The following STYXL1 variants were observed in gnomAD, a reference collection of about 807,000 sequenced individuals.
The protein encoded by STYXL1 is serine/threonine/tyrosine-interacting-like protein 1.
In STYXL1, 32 loss-of-function variants were observed where a neutral mutation model predicts 36.4. The observed-to-expected ratio is 0.88, with a 90% CI of 0.66 to 1.18. The LOEUF is 1.18. Ranked by LOEUF, STYXL1 falls within the 50% of genes most tolerant of loss-of-function variation. STYXL1 has a pLI of 0.00. For missense variants in STYXL1, 354 were observed against 394.1 expected (o/e 0.90, Z 0.86); for synonymous variants, 133 against 144.1 (o/e 0.92, Z 0.55).
chr7:76,003,622 C>T, intron 7 of STYXL1, 136 bp downstream of exon 7: 1 of 737,708 alleles, frequency 1.4e-6, no homozygotes, highest in Non-Finnish European at 2.2e-6. Flanking sequence ...CCAGATGGAG[C>T]ATATGCCGAG....
At chr7:76,030,235 G>GT (rs1279836869) in intron 2 of STYXL1, among the ~76,000 whole-genome samples, 186 bp downstream of exon 2, 7 of 152,174 alleles carry the variant, frequency 4.6e-5, no homozygotes, top group African/African-American at 1.7e-4. Context: ...CTGGCTTCAA[G>GT]TGATTCGCCC....
intron 1 of STYXL1, among the ~76,000 whole-genome samples, chr7:76,043,028 G>A (rs1167630230): frequency 6.6e-6 from 1 of 152,304 alleles, no homozygotes; most frequent in East Asian, 1.9e-4. Context: ...GAAATGGCCT[G>A]CACCCCCAGA....
chr7:76,027,546 C>T (rs376373786), intron 3 of STYXL1, among the ~76,000 whole-genome samples: 1 of 151,526 alleles, frequency 6.6e-6, no homozygotes, highest in Admixed American at 6.6e-5. Flanking sequence ...GTTGATTGAA[C>T]CCAGGAGTTC....
intron 3 of STYXL1, among the ~76,000 whole-genome samples, chr7:76,025,756 C>CAAT (rs1448995504): frequency 6.6e-6 from 1 of 151,644 alleles, no homozygotes; most frequent in East Asian, 1.9e-4. Flanking sequence ...TACCACTGCA[C>CAAT]CGGGCAGACA....
chr7:75,998,065 C>T (rs899877209), intron 8 of STYXL1, among the ~76,000 whole-genome samples: 1 of 152,162 alleles, frequency 6.6e-6, no homozygotes, highest in Non-Finnish European at 1.5e-5. Context: ...ATCCCAACAA[C>T]ATTTTTTGTA....
intron 5 of STYXL1, among the ~76,000 whole-genome samples, chr7:76,007,731 G>T (rs1042982383): frequency 6.6e-6 from 1 of 150,932 alleles, no homozygotes; most frequent in Non-Finnish European, 1.5e-5. Flanking sequence ...GACCAGCCTG[G>T]GTAACACAGC....
intron 3 of STYXL1, among the ~76,000 whole-genome samples, chr7:76,028,013 C>T (rs1181673749): frequency 1.3e-5 from 2 of 151,918 alleles, no homozygotes; most frequent in South Asian, 4.1e-4. Flanking sequence ...GGCTGAGCGG[C>T]GTAGGATTGC....
rs1554564171 is a variant in STYXL1 at position 75,996,570 on chromosome 7, T to C, written c.840A>G (p.Lys280=). The part of the protein sequence containing the change: ...QRSWAYVKKC[K]NNMCPNRGLV... ...ATCCCCGATTTGGACACATGTTGTT[T>C]TTGCACTTCTTGACATAGGCCCAGG... is the stretch of plus-strand genomic sequence containing the variant. The change falls in exon 9 of 9, where the codon AAA becomes AAG. Residue 280 remains lysine (K), a synonymous_variant. Coordinates refer to ENST00000359697, the MANE Select transcript of STYXL1 (RefSeq NM_001317785.2). The C allele has an allele frequency of 6.2e-7, 1 of 1,614,212 alleles. No individual in the cohort carries two copies. The highest frequency in any genetic ancestry group is 1.3e-5 in the African/African-American group (1 of 75,068).
At chr7:76,001,866 C>A (rs1790981872) in intron 7 of STYXL1, among the ~76,000 whole-genome samples, 2 of 149,148 alleles carry the variant, frequency 1.3e-5, no homozygotes, top group African/African-American at 5.0e-5. Context: ...TCTTGAACTC[C>A]TGACCTCGGG....
rs781976994 is a variant in STYXL1, at chr7:76,028,752, C to T, written c.104-49G>A. Reference sequence around the variant, plus strand: ...ACTGAATTTGCAAAGGAACATACGACCAAACTACTCAGAGGACCTACGTCG... The same window carrying T: ...ACTGAATTTGCAAAGGAACATACGATCAAACTACTCAGAGGACCTACGTCG... On this transcript the variant is annotated intron_variant, in intron 2 of 8. Transcript: ENST00000359697. 3.3e-6 allele frequency: 5 copies of T among 1,531,242 alleles called. No homozygotes were observed. The Admixed American group carries it at 5.0e-5, about 15-fold the overall frequency. The allele number at this position is 1,531,242 out of a possible 1,614,324, so 94.9% of individuals were successfully genotyped here.
intron 7 of STYXL1, 39 bp from the exon 8 acceptor site, chr7:76,001,041 T>G: frequency 6.6e-7 from 1 of 1,510,298 alleles, no homozygotes; most frequent in Non-Finnish European, 9.2e-7. Flanking sequence ...TGCCTGGCCC[T>G]CCTCCCTGTG....
intron 1 of STYXL1, among the ~76,000 whole-genome samples, chr7:76,033,817 T>C (rs1263321695): frequency 6.6e-6 from 1 of 152,196 alleles, no homozygotes; most frequent in Admixed American, 6.6e-5. Context: ...CCGCCTCCAC[T>C]TCTTCACCTC....
chr7:76,046,610 G>C (rs1554583747), intron 1 of STYXL1, among the ~76,000 whole-genome samples: 1 of 148,964 alleles, frequency 6.7e-6, no homozygotes, highest in Non-Finnish European at 1.5e-5. Flanking sequence ...ACCTCCCAAA[G>C]TGCTGGGATT....
At chr7:76,029,436 C>A (rs1795083189) in intron 2 of STYXL1, among the ~76,000 whole-genome samples, 1 of 152,072 alleles carries the variant, frequency 6.6e-6, no homozygotes, top group Non-Finnish European at 1.5e-5. Context: ...CACAAGCCAC[C>A]ACACCTGGCC....
At chr7:76,044,155 G>A (rs1796737514) in intron 1 of STYXL1, 1 of 152,090 alleles carries the variant, frequency 6.6e-6, no homozygotes. Context: ...TGAGTGTGAG[G>A]CTTTTTATGT....
At chr7:76,003,324 G>C (rs1791225219) in intron 7 of STYXL1, among the ~76,000 whole-genome samples, 1 of 152,238 alleles carries the variant, frequency 6.6e-6, no homozygotes, top group Non-Finnish European at 1.5e-5. Flanking sequence ...AGAACTGAAA[G>C]AGCTTTGTAG....
intron 7 of STYXL1, among the ~76,000 whole-genome samples, chr7:76,002,536 G>T (rs1034457180): frequency 6.6e-6 from 1 of 152,162 alleles, no homozygotes; most frequent in Non-Finnish European, 1.5e-5. Flanking sequence ...GTCCCTCCTT[G>T]GGCCACAAGG....
intron 8 of STYXL1, among the ~76,000 whole-genome samples, chr7:75,999,544 T>TGA (rs1554565704): frequency 8.0e-6 from 1 of 125,636 alleles, no homozygotes; most frequent in African/African-American, 3.0e-5. Flanking sequence ...TGTGTGTGTG[T>TGA]GTGTGTGTAT....
intron 4 of STYXL1, among the ~76,000 whole-genome samples, chr7:76,020,070 G>T (rs1793878177): frequency 6.6e-6 from 1 of 152,122 alleles, no homozygotes; most frequent in Non-Finnish European, 1.5e-5. Flanking sequence ...GTGTGGTTGT[G>T]GTTTCCTGTG....
Sources: gnomAD v4.1 joint callset for allele counts (sites outside exome capture counted in the v4.1 genomes callset) on GRCh38, gnomAD v4.1.1 for gene constraint, MANE v1.5 for transcripts, NCBI Gene and HGNC (gene_info 2026-07-23, HGNC 2026-07-21) for gene names.